Variants in POT1 observed in about 807,000 individuals in gnomAD.
POT1 encodes the protein protection of telomeres 1.
In POT1, 47 loss-of-function variants were observed where a neutral mutation model predicts 78.5. The observed-to-expected ratio is 0.60, with a 90% confidence interval of 0.47 to 0.76. The LOEUF (loss-of-function observed/expected upper bound fraction) is 0.76, where lower values mean the gene tolerates loss of function less well. POT1 is among the 30% of genes least tolerant of loss of function. POT1 has a pLI of 0.00. For synonymous variants in POT1, 259 were observed against 260.7 expected (o/e 0.99, Z 0.06); for missense variants, 646 against 749.9 (o/e 0.86, Z 1.62).
intron 5 of POT1, among the ~76,000 whole-genome samples, chr7:124,895,276 C>T (rs1424120490): frequency 2.0e-5 from 3 of 151,520 alleles, no homozygotes; most frequent in Non-Finnish European, 4.4e-5. Context: ...TCATGATATA[C>T]TAAAGATAAC....
At chr7:124,903,913 T>C (rs1200618650) in intron 3 of POT1, among the ~76,000 whole-genome samples, 1 of 152,036 alleles carries the variant, frequency 6.6e-6, no homozygotes, top group Non-Finnish European at 1.5e-5. Flanking sequence ...AACTAGAAAC[T>C]CTAGAAGAAA....
At chr7:124,888,907 T>C (rs1222982254) in intron 6 of POT1, among the ~76,000 whole-genome samples, 1 of 151,822 alleles carries the variant, frequency 6.6e-6, no homozygotes, top group East Asian at 1.9e-4. Flanking sequence ...CTCCCTCTCC[T>C]GAGGCTCCTT....
At chr7:124,844,216 C>T (rs1185876121) in intron 12 of POT1, among the ~76,000 whole-genome samples, 3 of 149,592 alleles carry the variant, frequency 2.0e-5, no homozygotes, top group Non-Finnish European at 4.4e-5. Context: ...ACAACCTCTA[C>T]CTCCCAGGTT....
intron 6 of POT1, among the ~76,000 whole-genome samples, chr7:124,878,415 GCA>G (rs72433751): frequency 0.014 from 2,200 of 152,236 alleles, 60 homozygotes; most frequent in African/African-American, 0.048. Flanking sequence ...TTCAAGATTT[GCA>G]CAGTGTGGTG....
chr7:124,825,707 ATAGT>A (rs1794614187), intron 17 of POT1, among the ~76,000 whole-genome samples: 1 of 152,196 alleles, frequency 6.6e-6, no homozygotes, highest in Middle Eastern at 3.2e-3. Flanking sequence ...TATGTATTAT[ATAGT>A]TATTTAATTT....
At chr7:124,910,570 T>C (rs1378653638) in intron 3 of POT1, among the ~76,000 whole-genome samples, 2 of 152,084 alleles carry the variant, frequency 1.3e-5, no homozygotes, top group South Asian at 2.1e-4. Flanking sequence ...AAATTGGCTA[T>C]AATAAACGTT....
chr7:124,903,427 G>A (rs1377908142), intron 3 of POT1, among the ~76,000 whole-genome samples: 2 of 152,116 alleles, frequency 1.3e-5, no homozygotes, highest in African/African-American at 4.8e-5. Context: ...ATGGACTACT[G>A]GGTACATAAC....
At chr7:124,894,418 T>C (rs1461672189) in intron 5 of POT1, among the ~76,000 whole-genome samples, 2 of 151,606 alleles carry the variant, frequency 1.3e-5, no homozygotes, top group Non-Finnish European at 3.0e-5. Flanking sequence ...CAAAACTCAA[T>C]GACACTAACC....
intron 6 of POT1, among the ~76,000 whole-genome samples, chr7:124,889,564 A>G (rs927681138): frequency 6.6e-6 from 1 of 152,014 alleles, no homozygotes; most frequent in Non-Finnish European, 1.5e-5. Context: ...GACCTTCACA[A>G]CTATGGAGAA....
chr7:124,825,801 A>G (rs1487583108), intron 17 of POT1, among the ~76,000 whole-genome samples: 1 of 152,236 alleles, frequency 6.6e-6, no homozygotes, highest in Non-Finnish European at 1.5e-5. Flanking sequence ...TCCATCACAT[A>G]GGATAGTACC....
chr7:124,919,168 A>T (rs1342412200), intron 2 of POT1, among the ~76,000 whole-genome samples: 1 of 152,160 alleles, frequency 6.6e-6, no homozygotes, highest in Non-Finnish European at 1.5e-5. Flanking sequence ...ACTGTAGGCA[A>T]TTATAAGACA....
intron 6 of POT1, among the ~76,000 whole-genome samples, chr7:124,887,049 G>A (rs1273726929): frequency 2.0e-5 from 3 of 151,966 alleles, no homozygotes; most frequent in Non-Finnish European, 4.4e-5. Flanking sequence ...CTTCAAATTC[G>A]AAGAGGATCA....
chr7:124,869,093 C>T (rs1449111819), intron 7 of POT1, among the ~76,000 whole-genome samples: 3 of 151,924 alleles, frequency 2.0e-5, no homozygotes, highest in East Asian at 3.9e-4. Flanking sequence ...GTGATAATAC[C>T]GCATCTTTAC....
chr7:124,854,993 T>A (rs1795408965), intron 9 of POT1, among the ~76,000 whole-genome samples: 1 of 151,500 alleles, frequency 6.6e-6, no homozygotes, highest in Admixed American at 6.6e-5. Flanking sequence ...AAAATGATAA[T>A]TTCCTCCAAA....
intron 14 of POT1, among the ~76,000 whole-genome samples, chr7:124,836,663 G>C (rs1455439956): frequency 2.0e-5 from 3 of 152,164 alleles, no homozygotes; most frequent in African/African-American, 7.2e-5. Context: ...TTTGGCTCTG[G>C]CACATAAGCT....
Position 124,824,067 on chromosome 7 carries a change from A to G in POT1, c.1800T>C (p.Tyr600=). ...ACTTGATGAAGCATTCCAACCACGG[A>G]TATGCATCTACAAAAACAAAAACAA... The part of the protein sequence containing the change: ...FCPPGIKIDA[Y]PWLECFIKSY... The change falls in exon 19 of 19, where the codon TAT becomes TAC. Residue 600 remains tyrosine, a synonymous_variant. Transcript: ENST00000357628. 1 of 1,583,976 alleles carries G rather than the reference A, an allele frequency of 6.3e-7. No individual in the cohort carries two copies. The highest frequency in any genetic ancestry group is 1.4e-5 in the African/African-American group (1 of 73,822).
Position 124,824,061 on chromosome 7 carries a change from C to T in POT1, c.1806G>A (p.Trp602Ter). The change falls in exon 19 of 19, where the codon TGG becomes TGA. Residue 602 changes from tryptophan to a stop codon, truncating the protein, a stop_gained. Transcript: ENST00000357628. LOFTEE classifies it high-confidence loss of function. ...TGTATGACTTGATGAAGCATTCCAA[C>T]CACGGATATGCATCTACAAAAACAA... ...PPGIKIDAYPWLECFIKSYNV... is the reference protein window; with the variant it reads ...PPGIKIDAYP 6.3e-7 allele frequency: 1 copy of T among 1,597,148 alleles called. No individual in the cohort carries two copies. Among genetic ancestry groups the T allele is most frequent in the Non-Finnish European group, 8.6e-7 (1 of 1,168,328 alleles).
intron 6 of POT1, among the ~76,000 whole-genome samples, chr7:124,886,339 C>T (rs1796242559): frequency 6.6e-6 from 1 of 152,060 alleles, no homozygotes; most frequent in Admixed American, 6.6e-5. Context: ...TGAAAAAGTA[C>T]TGCTTTAGGT....
At chr7:124,875,597 A>G (rs1230107013) in intron 6 of POT1, among the ~76,000 whole-genome samples, 1 of 152,180 alleles carries the variant, frequency 6.6e-6, no homozygotes, top group Non-Finnish European at 1.5e-5. Context: ...GCTAAATGCA[A>G]AACAGCAGCA....
Sources: gnomAD v4.1 joint callset for allele counts (sites outside exome capture counted in the v4.1 genomes callset) on GRCh38, gnomAD v4.1.1 for gene constraint, MANE v1.5 for transcripts, NCBI Gene and HGNC (gene_info 2026-07-23, HGNC 2026-07-21) for gene names.